PLCE1: variants seen among roughly 807,000 people sequenced by gnomAD.
The protein encoded by PLCE1 is phospholipase C epsilon 1.
In PLCE1, 119 loss-of-function variants were observed where a neutral mutation model predicts 242.8. The observed-to-expected ratio is 0.49, with a 90% CI of 0.42 to 0.57. The LOEUF (loss-of-function observed/expected upper bound fraction) is 0.57. Ranked by LOEUF, PLCE1 falls within the 20% of genes least tolerant of loss-of-function variation. The pLI, the probability that PLCE1 is intolerant of heterozygous loss-of-function variation, is 0.00. For synonymous variants in PLCE1, 945 were observed against 1,017.4 expected, an observed-to-expected ratio of 0.93 and a Z score of 1.35; for missense variants, 2,441 against 2,788.8, an observed-to-expected ratio of 0.88 and a Z score of 2.81.
intron 3 of PLCE1, among the ~76,000 whole-genome samples, chr10:94,169,776 GTCA>G (rs780378857): frequency 3.9e-5 from 6 of 152,196 alleles, no homozygotes; most frequent in Admixed American, 6.5e-5. Context: ...AATTGTCAGT[GTCA>G]TCATACAGCA....
At chr10:94,074,104 A>G (rs1240734006) in intron 2 of PLCE1, among the ~76,000 whole-genome samples, 1 of 151,744 alleles carries the variant, frequency 6.6e-6, no homozygotes, top group African/African-American at 2.4e-5. Context: ...ACCCATAAAT[A>G]TCATTTCTAT....
intron 4 of PLCE1, among the ~76,000 whole-genome samples, chr10:94,191,463 G>A (rs900817271): frequency 2.6e-5 from 4 of 152,084 alleles, no homozygotes; most frequent in Admixed American, 6.5e-5. Flanking sequence ...GCGACATAGC[G>A]AGACCCGGTC....
chr10:94,243,354 C>A (rs1306100194), intron 7 of PLCE1, among the ~76,000 whole-genome samples: 1 of 152,056 alleles, frequency 6.6e-6, no homozygotes, highest in Admixed American at 6.6e-5. Context: ...AAGGAGAGAC[C>A]CTCATAGTCA....
intron 4 of PLCE1, among the ~76,000 whole-genome samples, chr10:94,202,661 T>C (rs2049021928): frequency 6.6e-6 from 1 of 152,178 alleles, no homozygotes; most frequent in Non-Finnish European, 1.5e-5. Context: ...TTGATGACAG[T>C]GTAAGGAAAC....
intron 8 of PLCE1, among the ~76,000 whole-genome samples, chr10:94,250,873 C>T (rs2050850056): frequency 6.6e-6 from 1 of 152,126 alleles, no homozygotes; most frequent in Non-Finnish European, 1.5e-5. Flanking sequence ...AAAACGTATC[C>T]ATTAGGTTTC....
At chr10:94,207,704 A>G (rs1275627278) in intron 4 of PLCE1, among the ~76,000 whole-genome samples, 1 of 152,168 alleles carries the variant, frequency 6.6e-6, no homozygotes, top group Non-Finnish European at 1.5e-5. Flanking sequence ...AAAATGGCTG[A>G]TGCCATGGCT....
In PLCE1 at chr10:93,996,255, C is replaced by A. The variant is rs547823301; in HGVS notation, c.-365+1997C>A. Among the ~76,000 whole-genome samples, 6 of 152,234 alleles carry A rather than the reference C, an allele frequency of 3.9e-5. No individual in the cohort carries two copies. In the East Asian group the frequency reaches 1.2e-3, roughly 29 times the overall value. ...GCGGTGGAAGAACAATAAAACAGAG[C>A]TTCTGGGTTCAGAAGGAGAAGCAGA... On this transcript the variant is annotated intron_variant, in intron 1 of 32. Transcript: ENST00000371380.
intron 2 of PLCE1, chr10:94,104,483 C>T (rs1365442426): frequency 5.3e-5 from 8 of 152,150 alleles, no homozygotes; most frequent in African/African-American, 1.9e-4. Flanking sequence ...AACCTAACTA[C>T]AATAAGCAAT....
chr10:94,200,590 C>A (rs573290226), intron 4 of PLCE1, among the ~76,000 whole-genome samples: 1 of 152,170 alleles, frequency 6.6e-6, no homozygotes, highest in Non-Finnish European at 1.5e-5. Context: ...CATGAATACT[C>A]CACCCTCTAG....
At chr10:94,090,049 G>A (rs2045001797) in intron 2 of PLCE1, among the ~76,000 whole-genome samples, 1 of 151,950 alleles carries the variant, frequency 6.6e-6, no homozygotes, top group Non-Finnish European at 1.5e-5. Context: ...TATCTGAGTG[G>A]TCATTTACTT....
chr10:94,253,535 T>C (rs2050956308), intron 9 of PLCE1, among the ~76,000 whole-genome samples: 1 of 152,076 alleles, frequency 6.6e-6, no homozygotes, highest in Admixed American at 6.6e-5. Context: ...TTTTATTTTT[T>C]ATAGAGACAG....
intron 14 of PLCE1, 66 bp from the exon 15 acceptor site, chr10:94,265,580 TG>T: frequency 1.6e-6 from 2 of 1,266,582 alleles, no homozygotes; most frequent in Non-Finnish European, 2.3e-6. Flanking sequence ...AAAAATGATG[TG>T]GTGGTTTCTT....
At chr10:94,091,725 G>A (rs935804547) in intron 2 of PLCE1, among the ~76,000 whole-genome samples, 1 of 152,098 alleles carries the variant, frequency 6.6e-6, no homozygotes, top group Non-Finnish European at 1.5e-5. Context: ...AATGCCATCA[G>A]GAGAGGCCCA....
chr10:94,089,704 A>G (rs755040567), intron 2 of PLCE1, among the ~76,000 whole-genome samples: 2 of 152,172 alleles, frequency 1.3e-5, no homozygotes, highest in Non-Finnish European at 1.5e-5. Context: ...GCAATGGCCT[A>G]TGGTATATTA....
intron 3 of PLCE1, among the ~76,000 whole-genome samples, chr10:94,141,673 GA>G (rs1564727682): frequency 4.6e-5 from 2 of 43,268 alleles, no homozygotes; most frequent in Non-Finnish European, 7.5e-5. Flanking sequence ...AGGGAGGGAG[GA>G]AAGAAAGAAG....
At chr10:94,194,578 A>C (rs763934262) in intron 4 of PLCE1, among the ~76,000 whole-genome samples, 3 of 152,236 alleles carry the variant, frequency 2.0e-5, no homozygotes, top group African/African-American at 4.8e-5. Context: ...TGCACAAGAC[A>C]GTAGCCCTGG....
chr10:94,135,445 T>A (rs2046741155), intron 3 of PLCE1, among the ~76,000 whole-genome samples: 1 of 152,158 alleles, frequency 6.6e-6, no homozygotes, highest in South Asian at 2.1e-4. Context: ...CTTTAGTATG[T>A]GTCCTGTGGC....
intron 2 of PLCE1, among the ~76,000 whole-genome samples, chr10:94,110,203 C>T (rs1440285228): frequency 6.6e-6 from 1 of 151,480 alleles, no homozygotes; most frequent in Non-Finnish European, 1.5e-5. Context: ...GCTGGGACTA[C>T]AGGCACCTGC....
chr10:94,117,981 C>T (rs2046185555), intron 2 of PLCE1, among the ~76,000 whole-genome samples: 1 of 152,140 alleles, frequency 6.6e-6, no homozygotes, highest in South Asian at 2.1e-4. Context: ...CAACAAAAGA[C>T]CTCTTTGTTT....
Sources: allele counts gnomAD v4.1 joint callset (sites outside exome capture counted in the v4.1 genomes callset), GRCh38; gene constraint gnomAD v4.1.1; transcripts MANE v1.5; gene names NCBI Gene and HGNC (gene_info 2026-07-23, HGNC 2026-07-21).